Variants in CYSLTR2 observed in about 807,000 individuals in gnomAD.
CYSLTR2 encodes G-protein coupled receptor GPCR21.
For missense variants in CYSLTR2, 398 were observed against 411.9 expected, an observed-to-expected ratio of 0.97 and a Z score of 0.29; for synonymous variants, 179 against 160.8, an observed-to-expected ratio of 1.11 and a Z score of -0.86.
intron 4 of CYSLTR2, among the ~76,000 whole-genome samples, chr13:48,698,648 C>T (rs1594014906): frequency 6.6e-6 from 1 of 152,170 alleles, no homozygotes; most frequent in East Asian, 1.9e-4. Flanking sequence ...ATCATAATAA[C>T]AAGATCAAAT....
At chr13:48,704,516 C>CT (rs750792364) in intron 4 of CYSLTR2, among the ~76,000 whole-genome samples, 138 of 143,310 alleles carry the variant, frequency 9.6e-4, no homozygotes, top group Non-Finnish European at 1.4e-3. Context: ...CTTTTGCTTG[C>CT]TTTTTTTTTT....
chr13:48,662,754 C>T (rs1442732926), intron 1 of CYSLTR2, among the ~76,000 whole-genome samples: 1 of 152,082 alleles, frequency 6.6e-6, no homozygotes, highest in African/African-American at 2.4e-5. Context: ...TATTAGTCAC[C>T]TGTCAGATTA....
chr13:48,685,007 G>T (rs563529265), intron 1 of CYSLTR2, among the ~76,000 whole-genome samples: 1 of 152,188 alleles, frequency 6.6e-6, no homozygotes, highest in Non-Finnish European at 1.5e-5. Context: ...CAGAGCCTTC[G>T]AAGGAAGCAC....
At chr13:48,689,448 G>A (rs1353434317) in intron 1 of CYSLTR2, among the ~76,000 whole-genome samples, 2 of 152,080 alleles carry the variant, frequency 1.3e-5, no homozygotes, top group African/African-American at 4.8e-5. Flanking sequence ...TAAGGAAGGA[G>A]TCCAGGTTCA....
chr13:48,691,907 G>A, intron 2 of CYSLTR2, among the ~76,000 whole-genome samples: 1 of 151,844 alleles, frequency 6.6e-6, no homozygotes, highest in East Asian at 1.9e-4. Flanking sequence ...AAATAAAAGA[G>A]CTCTCATAAT....
chr13:48,695,068 A>ATTTTTTTTTTTCTTTTTTTTTTTTT (rs1954137040), intron 3 of CYSLTR2, among the ~76,000 whole-genome samples: 1 of 71,606 alleles, frequency 1.4e-5, no homozygotes, highest in African/African-American at 6.2e-5. Context: ...AGAACCTGGC[A>ATTTTTTTTTTTCTTTTTTTTTTTTT]TTTTTTTTTT....
intron 1 of CYSLTR2, among the ~76,000 whole-genome samples, chr13:48,690,287 A>G (rs1189309015): frequency 6.6e-6 from 1 of 152,046 alleles, no homozygotes; most frequent in Non-Finnish European, 1.5e-5. Flanking sequence ...GTCCAATACT[A>G]TGTTGAATAG....
intron 1 of CYSLTR2, among the ~76,000 whole-genome samples, chr13:48,680,999 G>A (rs770231082): frequency 2.0e-5 from 3 of 151,850 alleles, no homozygotes; most frequent in Non-Finnish European, 4.4e-5. Flanking sequence ...TTCTAGGAAG[G>A]ATGTTTGTAT....
intron 1 of CYSLTR2, among the ~76,000 whole-genome samples, chr13:48,654,466 T>A (rs1952954378): frequency 6.6e-6 from 1 of 152,218 alleles, no homozygotes; most frequent in South Asian, 2.1e-4. Flanking sequence ...CTGCATATTA[T>A]TGCATTGAGG....
At chr13:48,655,063 A>G (rs1952969096) in intron 1 of CYSLTR2, among the ~76,000 whole-genome samples, 2 of 152,232 alleles carry the variant, frequency 1.3e-5, no homozygotes. Context: ...AGAAATTTCT[A>G]TCATCTACTC....
At chr13:48,683,064 C>G (rs1397432686) in intron 1 of CYSLTR2, among the ~76,000 whole-genome samples, 1 of 152,126 alleles carries the variant, frequency 6.6e-6, no homozygotes, top group Non-Finnish European at 1.5e-5. Context: ...CGATCTCATT[C>G]TTTTTTATGG....
intron 1 of CYSLTR2, among the ~76,000 whole-genome samples, chr13:48,687,978 C>T (rs1953938724): frequency 6.6e-6 from 1 of 152,152 alleles, no homozygotes; most frequent in South Asian, 2.1e-4. Flanking sequence ...GTGGGAAAAT[C>T]CCTTCAGTGA....
chr13:48,707,355 C>T lies in CYSLTR2; in HGVS notation c.538C>T (p.Gln180Ter). 1 of 1,614,040 alleles carries T rather than the reference C, an allele frequency of 6.2e-7. No homozygotes were observed. The highest frequency in any genetic ancestry group is 8.5e-7 in the Non-Finnish European group (1 of 1,180,016). ...AATGCTCCTGGACAGTGGCTCTGAG[C>T]AGAACGGCAGTGTCACATCATGCTT... ...SIMLLDSGSE[Q>*]NGSVTSCLEL... Residue 180 changes from glutamine to a stop codon, truncating the protein, a stop_gained, in exon 5 of 5, where the codon CAG becomes TAG. Transcript: ENST00000682523. LOFTEE classifies it low-confidence loss of function (END_TRUNC).
At chr13:48,654,253 G>GTA (rs1172861715) in intron 1 of CYSLTR2, among the ~76,000 whole-genome samples, 2 of 57,954 alleles carry the variant, frequency 3.5e-5, no homozygotes, top group Admixed American at 2.5e-4. Context: ...TCGTCCCTTT[G>GTA]TGTGTGTGTG....
chr13:48,655,977 A>G (rs906107182), intron 1 of CYSLTR2, among the ~76,000 whole-genome samples: 4 of 152,382 alleles, frequency 2.6e-5, no homozygotes, highest in African/African-American at 7.2e-5. Flanking sequence ...TGGCAAAGAA[A>G]GGTGATCATG....
intron 1 of CYSLTR2, among the ~76,000 whole-genome samples, chr13:48,670,343 G>A (rs899501496): frequency 3.3e-5 from 5 of 152,138 alleles, no homozygotes; most frequent in African/African-American, 1.2e-4. Flanking sequence ...TAGTCATGAA[G>A]TCTTTGTCCA....
At position 48,709,946 on chromosome 13, in the gene CYSLTR2, G is replaced by A. The variant is rs897325787; in HGVS notation, c.*2088G>A. On this transcript the variant is annotated 3_prime_UTR_variant, in exon 5 of 5. Transcript: ENST00000682523. ...AAATTAATTGATTCATACACATTGAGAGGGATTTAGATTTCTCTTGCAGAG... is the reference window on the plus strand; with the variant it reads ...AAATTAATTGATTCATACACATTGAAAGGGATTTAGATTTCTCTTGCAGAG... 5 of 152,204 alleles carry A rather than the reference G, an allele frequency of 3.3e-5. No homozygotes were observed. Among genetic ancestry groups the A allele is most frequent in the African/African-American group, 1.2e-4 (5 of 41,442 alleles). The allele number at this position is 152,204 out of a possible 1,614,324, so 9.4% of individuals were successfully genotyped here.
chr13:48,658,088 C>G (rs1004389253), intron 1 of CYSLTR2, among the ~76,000 whole-genome samples: 3 of 152,004 alleles, frequency 2.0e-5, no homozygotes, highest in Admixed American at 2.0e-4. Flanking sequence ...AAGGTGACTC[C>G]CTTTTAGTTG....
chr13:48,682,417 C>G (rs950128539), intron 1 of CYSLTR2, among the ~76,000 whole-genome samples: 2 of 152,108 alleles, frequency 1.3e-5, no homozygotes, highest in Admixed American at 1.3e-4. Flanking sequence ...TGACTATTTC[C>G]CTGAATTATA....
Sources: allele counts gnomAD v4.1 joint callset (sites outside exome capture counted in the v4.1 genomes callset), GRCh38; gene constraint gnomAD v4.1.1; transcripts MANE v1.5; gene names NCBI Gene and HGNC (gene_info 2026-07-23, HGNC 2026-07-21).